The following SLC7A9 variants were observed in gnomAD, a reference collection of about 807,000 sequenced individuals.
SLC7A9 encodes the protein solute carrier family 7 member 9.
In SLC7A9, 38 loss-of-function variants were observed where a neutral mutation model predicts 54.1. The ratio of observed to expected loss-of-function variants is 0.70; its 90% CI spans 0.54 to 0.92. The LOEUF (loss-of-function observed/expected upper bound fraction) is 0.92, where lower values mean the gene tolerates loss of function less well. Ranked by LOEUF, SLC7A9 falls within the 40% of genes least tolerant of loss-of-function variation. SLC7A9 has a pLI of 0.00. For synonymous variants in SLC7A9, 264 were observed against 258.9 expected, an observed-to-expected ratio of 1.02 and a Z score of -0.19; for missense variants, 537 against 636.1, an observed-to-expected ratio of 0.84 and a Z score of 1.68.
At chr19:32,844,685 G>A (rs953914161) in intron 9 of SLC7A9, among the ~76,000 whole-genome samples, 1 of 151,408 alleles carries the variant, frequency 6.6e-6, no homozygotes, top group Non-Finnish European at 1.5e-5. Context: ...TGAAAAATTA[G>A]CTGGGCATGG....
Position 32,862,665 on chromosome 19 carries a change from T to A in SLC7A9, c.479-79A>T, listed in dbSNP as rs1028391776. 4.6e-5 allele frequency: 60 copies of A among 1,314,514 alleles called. 1 individual carries two copies. In the African/African-American group the frequency reaches 5.4e-4, roughly 12 times the overall value. 81.4% of individuals were successfully genotyped at this position (1,314,514 alleles called of 1,614,324 possible). ...AGAGTCTCCTTTCTTTTATATATTT[T>A]TTATTTTTTTTTTTTTTTGAGATGG... On this transcript the variant is annotated intron_variant, in intron 4 of 12. Transcript: ENST00000023064.
At chr19:32,857,559 G>A (rs1026509060) in intron 9 of SLC7A9, among the ~76,000 whole-genome samples, 4 of 152,118 alleles carry the variant, frequency 2.6e-5, no homozygotes, top group Non-Finnish European at 5.9e-5. Flanking sequence ...CATGTATTTC[G>A]GTTTGGCTTT....
intron 11 of SLC7A9, among the ~76,000 whole-genome samples, chr19:32,836,312 A>G (rs369147309): frequency 3.3e-5 from 5 of 152,012 alleles, no homozygotes; most frequent in African/African-American, 1.2e-4. Context: ...GCCTCCCAAA[A>G]TGCTGGGATT....
At chr19:32,845,459 C>CACTCCAG (rs1968260841) in intron 9 of SLC7A9, among the ~76,000 whole-genome samples, 1 of 151,792 alleles carries the variant, frequency 6.6e-6, no homozygotes, top group Non-Finnish European at 1.5e-5. Flanking sequence ...CTCACCATTG[C>CACTCCAG]ACTCCAGACT....
chr19:32,843,830 G>A, intron 10 of SLC7A9, 25 bp downstream of exon 10: 1 of 1,571,370 alleles, frequency 6.4e-7, no homozygotes, highest in Non-Finnish European at 8.8e-7. Context: ...CTTGAAGATA[G>A]GCTGGTAGCG....
chr19:32,865,415 C>T (rs1439041523), intron 2 of SLC7A9, among the ~76,000 whole-genome samples: 3 of 152,242 alleles, frequency 2.0e-5, no homozygotes, highest in Non-Finnish European at 2.9e-5. Context: ...ACAATCCTCC[C>T]AACTCAGCCT....
intron 9 of SLC7A9, among the ~76,000 whole-genome samples, chr19:32,847,127 C>CCT (rs1286566517): frequency 1.3e-5 from 2 of 152,160 alleles, no homozygotes; most frequent in African/African-American, 4.8e-5. Context: ...AAGCAGAGTG[C>CCT]CTCTCCTCTT....
intron 9 of SLC7A9, among the ~76,000 whole-genome samples, chr19:32,846,558 G>C (rs1357615617): frequency 6.6e-6 from 1 of 152,196 alleles, no homozygotes; most frequent in African/African-American, 2.4e-5. Flanking sequence ...GCTCAAGGAG[G>C]CCTGCCTGCC....
In SLC7A9 at chr19:32,858,556, G is replaced by C. The variant is rs761295035; in HGVS notation, c.874-13C>G. On this transcript the variant is annotated splice_polypyrimidine_tract_variant and intron_variant, in intron 8 of 12. Transcript: ENST00000023064. ...GGTCACCAAATGTCTGGTGAGAGAA[G>C]CGAGATGAGTCCTGAGGGTCTTTCT... is the stretch of plus-strand genomic sequence containing the variant. 6.3e-7 allele frequency: 1 copy of C among 1,596,094 alleles called. No individual in the cohort carries two copies. The highest frequency in any genetic ancestry group is 1.1e-5 in the South Asian group (1 of 90,486).
chr19:32,854,654 T>A (rs1968565663), intron 9 of SLC7A9, among the ~76,000 whole-genome samples: 1 of 152,128 alleles, frequency 6.6e-6, no homozygotes, highest in South Asian at 2.1e-4. Flanking sequence ...ACTGGTGCGA[T>A]CTCGGCTCAC....
Position 32,864,139 on chromosome 19 carries a change from C to T in SLC7A9, c.435G>A (p.Lys145=), listed in dbSNP as rs1968888840. 2 of 1,614,220 alleles carry T rather than the reference C, an allele frequency of 1.2e-6. No individual in the cohort carries two copies. Among genetic ancestry groups the T allele is most frequent in the Non-Finnish European group, 1.7e-6 (2 of 1,180,030 alleles). The change falls in exon 4 of 13, where the codon AAG becomes AAA. Residue 145 remains lysine, a synonymous_variant. Coordinates refer to ENST00000023064, the MANE Select transcript of SLC7A9 (RefSeq NM_014270.5). The part of the protein sequence containing the change: ...YVCAPFYVGC[K]PPQIVVKCLA... ...GGCATTTCACAACGATTTGAGGAGG[C>T]TTGCAGCCCACATAGAAGGGCGCAC...
chr19:32,862,012 C>T, intron 6 of SLC7A9, 106 bp downstream of exon 6: 3 of 816,160 alleles, frequency 3.7e-6, no homozygotes, highest in East Asian at 2.4e-5. Flanking sequence ...CAGAGTCACA[C>T]CAAACCCCAG....
At chr19:32,830,797 T>A in intron 12 of SLC7A9, 113 bp from the exon 13 acceptor site, 9 of 791,154 alleles carry the variant, frequency 1.1e-5, no homozygotes, top group Non-Finnish European at 1.7e-5. Flanking sequence ...ATGCGTCACC[T>A]AGACCCTGTG....
intron 5 of SLC7A9, 94 bp downstream of exon 5, chr19:32,862,367 C>T: frequency 6.4e-7 from 1 of 1,573,556 alleles, no homozygotes; most frequent in East Asian, 2.2e-5. Context: ...GCCATGCTTC[C>T]TTGGAGATGG....
chr19:32,833,049 G>C, intron 12 of SLC7A9, 100 bp downstream of exon 12: 1 of 1,127,048 alleles, frequency 8.9e-7, no homozygotes, highest in South Asian at 1.2e-5. Flanking sequence ...CTGCCAGCAG[G>C]GTGAGACACT....
In SLC7A9 at chr19:32,850,986, A is replaced by C. The variant is rs907067045; in HGVS notation, c.978-7035T>G. 2.0e-4 allele frequency among the ~76,000 whole-genome samples: 31 copies of C among 152,330 alleles called. 1 individual carries two copies. The highest frequency in any genetic ancestry group is 3.8e-4 in the Non-Finnish European group (26 of 68,028). ...GGCTAGCCATATGTAGAAAGCTGAA[A>C]CTGGATCCCTTCCTTACACCTTATA... is the stretch of plus-strand genomic sequence containing the variant. On this transcript the variant is annotated intron_variant, in intron 9 of 12. Coordinates refer to ENST00000023064, the MANE Select transcript of SLC7A9 (RefSeq NM_014270.5).
At chr19:32,866,016 G>A (rs2049394860) in intron 2 of SLC7A9, among the ~76,000 whole-genome samples, 1 of 151,112 alleles carries the variant, frequency 6.6e-6, no homozygotes, top group African/African-American at 2.4e-5. Flanking sequence ...ACCAATCAAG[G>A]AGGAAAAAAA....
At chr19:32,864,050 C>T in intron 4 of SLC7A9, 46 bp downstream of exon 4, 3 of 1,612,536 alleles carry the variant, frequency 1.9e-6, no homozygotes, top group Non-Finnish European at 2.5e-6. Flanking sequence ...CAGACACCCT[C>T]TGTGCCAGGT....
intron 9 of SLC7A9, among the ~76,000 whole-genome samples, chr19:32,850,160 T>A (rs1246209575): frequency 6.7e-6 from 1 of 148,808 alleles, no homozygotes; most frequent in Non-Finnish European, 1.5e-5. Context: ...CTATTCAACA[T>A]AGTGTTGGAA....
Sources: gnomAD v4.1 joint callset for allele counts (sites outside exome capture counted in the v4.1 genomes callset) on GRCh38, gnomAD v4.1.1 for gene constraint, MANE v1.5 for transcripts, NCBI Gene and HGNC (gene_info 2026-07-23, HGNC 2026-07-21) for gene names.